Variants in LPP observed in about 807,000 individuals in gnomAD.
LPP encodes the protein LIM domain containing preferred translocation partner in lipoma, also known as lipoma-preferred partner.
In LPP, 38 loss-of-function variants were observed where a neutral mutation model predicts 60.4. The ratio of observed to expected loss-of-function variants is 0.63; its 90% CI spans 0.49 to 0.83. The LOEUF (loss-of-function observed/expected upper bound fraction) is 0.83, where lower values mean the gene tolerates loss of function less well. Ranked by LOEUF, LPP falls within the 40% of genes least tolerant of loss-of-function variation. LPP has a pLI of 0.00. For missense variants in LPP, 902 were observed against 783.6 expected (o/e 1.15, Z -1.80); for synonymous variants, 328 against 290.8 (o/e 1.13, Z -1.30).
intron 6 of LPP, among the ~76,000 whole-genome samples, chr3:188,579,956 G>A (rs1168592510): frequency 6.6e-6 from 1 of 151,818 alleles, no homozygotes; most frequent in Non-Finnish European, 1.5e-5. Context: ...AGCCATGACT[G>A]TATCACTGCA....
At chr3:188,211,999 CA>C (rs1711507272) in intron 1 of LPP, among the ~76,000 whole-genome samples, 6 of 152,108 alleles carry the variant, frequency 3.9e-5, no homozygotes, top group Admixed American at 3.9e-4. Context: ...GCTGGGATTA[CA>C]GGCACACACC....
intron 7 of LPP, among the ~76,000 whole-genome samples, chr3:188,615,016 G>C (rs1844584093): frequency 6.6e-6 from 1 of 152,098 alleles, no homozygotes; most frequent in Non-Finnish European, 1.5e-5. Context: ...TTTCTCACTT[G>C]AACCATTGAA....
chr3:188,480,695 C>T (rs1804533543), intron 4 of LPP, among the ~76,000 whole-genome samples: 1 of 152,126 alleles, frequency 6.6e-6, no homozygotes, highest in African/African-American at 2.4e-5. Flanking sequence ...AGGTGAGTTG[C>T]AATTTCCCTG....
chr3:188,762,199 G>A (rs147235096), intron 9 of LPP, among the ~76,000 whole-genome samples: 3 of 152,212 alleles, frequency 2.0e-5, no homozygotes, highest in East Asian at 3.9e-4. Flanking sequence ...TTTGAATTTC[G>A]TTACGTCACT....
At position 188,793,965 on chromosome 3, in the gene LPP, T is replaced by A. The variant is rs528866064; in HGVS notation, c.1410+33683T>A. 2.6e-3 allele frequency among the ~76,000 whole-genome samples: 395 copies of A among 152,254 alleles called. 2 individuals are homozygous for A. The highest frequency in any genetic ancestry group is 9.1e-3 in the African/African-American group (377 of 41,532). Reference sequence around the variant, plus strand: ...CACCGAGACTATTCATAGCTCCAACTTAAGGTGCTTTAATAAAGGGCAGAA... The same window carrying A: ...CACCGAGACTATTCATAGCTCCAACATAAGGTGCTTTAATAAAGGGCAGAA... On this transcript the variant is annotated intron_variant, in intron 9 of 11. Transcript: ENST00000617246.
chr3:188,693,501 AG>A (rs995422666), intron 7 of LPP, among the ~76,000 whole-genome samples: 3 of 152,166 alleles, frequency 2.0e-5, no homozygotes, highest in African/African-American at 7.2e-5. Context: ...TTGAGATGAA[AG>A]GGGGGAGGCA....
chr3:188,639,801 A>G (rs1849665994), intron 7 of LPP, among the ~76,000 whole-genome samples: 1 of 152,236 alleles, frequency 6.6e-6, no homozygotes, highest in African/African-American at 2.4e-5. Context: ...AGAAATGCAA[A>G]TCAAAACTAC....
At chr3:188,696,884 C>A (rs983036043) in intron 7 of LPP, among the ~76,000 whole-genome samples, 1 of 152,198 alleles carries the variant, frequency 6.6e-6, no homozygotes, top group East Asian at 1.9e-4. Context: ...TGCTTTAATG[C>A]CTAATTAATT....
At chr3:188,176,566 G>T (rs1366351510) in intron 1 of LPP, among the ~76,000 whole-genome samples, 1 of 151,716 alleles carries the variant, frequency 6.6e-6, no homozygotes, top group Admixed American at 6.6e-5. Context: ...TTGTTTTTCA[G>T]GTCTTTCCAT....
At chr3:188,256,940 T>C (rs980406091) in intron 2 of LPP, among the ~76,000 whole-genome samples, 1 of 152,210 alleles carries the variant, frequency 6.6e-6, no homozygotes, top group African/African-American at 2.4e-5. Context: ...TTGCAGATTG[T>C]TTCCATGGTC....
At chr3:188,235,771 C>T (rs1721674110) in intron 2 of LPP, among the ~76,000 whole-genome samples, 1 of 152,076 alleles carries the variant, frequency 6.6e-6, no homozygotes, top group Admixed American at 6.6e-5. Context: ...TTCTTTAGGC[C>T]TCCTCCAACC....
Position 188,387,056 on chromosome 3 carries a change from G to A in LPP, c.-9-19056G>A, listed in dbSNP as rs919567883. On this transcript the variant is annotated intron_variant, in intron 3 of 11. Transcript: ENST00000617246. ...GCCTTAGGAAAAGGCTTTTCTTATCGTTGAGTCTCATTTTCCTGCCTTTAA... is the reference window on the plus strand; with the variant it reads ...GCCTTAGGAAAAGGCTTTTCTTATCATTGAGTCTCATTTTCCTGCCTTTAA... Among the ~76,000 whole-genome samples the A allele has an allele frequency of 1.2e-4, 18 of 151,884 alleles. 1 individual carries two copies. Among genetic ancestry groups the A allele is most frequent in the South Asian group, 4.2e-4 (2 of 4,818 alleles).
intron 5 of LPP, among the ~76,000 whole-genome samples, chr3:188,523,275 A>G (rs1193534418): frequency 6.6e-6 from 1 of 152,168 alleles, no homozygotes; most frequent in Admixed American, 6.6e-5. Context: ...GTTTGGCTCC[A>G]AGGACCTGGG....
At chr3:188,613,357 G>C (rs1232295464) in intron 7 of LPP, among the ~76,000 whole-genome samples, 1 of 138,110 alleles carries the variant, frequency 7.2e-6, no homozygotes, top group East Asian at 2.0e-4. Flanking sequence ...CCAGTATTTA[G>C]ATAAGGTGGC....
At chr3:188,713,674 A>G (rs1017047529) in intron 8 of LPP, among the ~76,000 whole-genome samples, 4 of 152,164 alleles carry the variant, frequency 2.6e-5, no homozygotes, top group Non-Finnish European at 4.4e-5. Flanking sequence ...AGAGATAGAG[A>G]TAAATGTGGG....
In LPP at chr3:188,874,991, G is replaced by A. The variant is rs958095430; in HGVS notation, c.*512G>A. 1 of 224,842 alleles carries A rather than the reference G, an allele frequency of 4.4e-6. No individual in the cohort carries two copies. Among genetic ancestry groups the A allele is most frequent in the Non-Finnish European group, 8.9e-6 (1 of 112,736 alleles). The allele number at this position is 224,842 out of a possible 1,614,324, so 13.9% of individuals were successfully genotyped here. ...TTGCTTTATACTACTCACGTCCTTG[G>A]GGAGGGAAATGCACAATTTTTTTTT... On this transcript the variant is annotated 3_prime_UTR_variant, in exon 12 of 12. Coordinates refer to ENST00000617246, the MANE Select transcript of LPP (RefSeq NM_001375462.1).
At chr3:188,195,006 C>G (rs1217724412) in intron 1 of LPP, among the ~76,000 whole-genome samples, 3 of 152,156 alleles carry the variant, frequency 2.0e-5, no homozygotes, top group Non-Finnish European at 4.4e-5. Context: ...CGCCTGTAAT[C>G]CCAGCACTTT....
intron 7 of LPP, among the ~76,000 whole-genome samples, chr3:188,636,813 G>T (rs558438428): frequency 1.4e-3 from 219 of 151,592 alleles, no homozygotes; most frequent in African/African-American, 4.6e-3. Context: ...CACCTCACAC[G>T]GCAGGGTATT....
chr3:188,336,196 A>G (rs1402515197), intron 2 of LPP, among the ~76,000 whole-genome samples: 2 of 152,140 alleles, frequency 1.3e-5, no homozygotes, highest in Admixed American at 6.5e-5. Context: ...AAGCAAGTGC[A>G]GTGGTGCTGA....
Sources: gnomAD v4.1 joint callset for allele counts (sites outside exome capture counted in the v4.1 genomes callset) on GRCh38, gnomAD v4.1.1 for gene constraint, MANE v1.5 for transcripts, NCBI Gene and HGNC (gene_info 2026-07-23, HGNC 2026-07-21) for gene names.